Variants in CTNNA3 observed in about 807,000 individuals in gnomAD.
CTNNA3 encodes the protein catenin alpha-3.
In CTNNA3, 76 loss-of-function variants were observed where a neutral mutation model predicts 95.7. The ratio of observed to expected loss-of-function variants is 0.79; its 90% CI spans 0.66 to 0.96. The LOEUF (loss-of-function observed/expected upper bound fraction) is 0.96. Ranked by LOEUF, CTNNA3 falls within the 40% of genes least tolerant of loss-of-function variation. CTNNA3 has a pLI of 0.00. For missense variants in CTNNA3, 1,191 were observed against 1,089.8 expected (o/e 1.09, Z -1.31); for synonymous variants, 431 against 374.4 (o/e 1.15, Z -1.74).
chr10:67,183,277 G>T (rs959576379), intron 6 of CTNNA3, among the ~76,000 whole-genome samples: 46 of 152,192 alleles, frequency 3.0e-4, no homozygotes, highest in African/African-American at 1.0e-3. Context: ...TAGCAAAGAC[G>T]TGGAACCAAC....
At chr10:67,705,945 G>A (rs898938995) in intron 1 of CTNNA3, among the ~76,000 whole-genome samples, 2 of 152,052 alleles carry the variant, frequency 1.3e-5, no homozygotes, top group African/African-American at 4.8e-5. Flanking sequence ...TCCAAAGCTG[G>A]CTTAGGGGAA....
chr10:66,237,630 G>A (rs1359312461), intron 13 of CTNNA3, among the ~76,000 whole-genome samples: 1 of 151,882 alleles, frequency 6.6e-6, no homozygotes. Flanking sequence ...CAATAGTGGT[G>A]ATTCAGAAGT....
chr10:67,405,517 C>A (rs1165239738), intron 5 of CTNNA3, among the ~76,000 whole-genome samples: 4 of 152,080 alleles, frequency 2.6e-5, no homozygotes, highest in Admixed American at 1.3e-4. Flanking sequence ...ATATGTGCAC[C>A]CAAAACAGGA....
intron 5 of CTNNA3, among the ~76,000 whole-genome samples, chr10:67,428,700 C>T (rs1846002638): frequency 6.6e-6 from 1 of 151,976 alleles, no homozygotes; most frequent in Non-Finnish European, 1.5e-5. Flanking sequence ...AGTCACTGGG[C>T]TGGGGAAGGC....
At chr10:67,604,438 T>G (rs1189699490) in intron 3 of CTNNA3, among the ~76,000 whole-genome samples, 1 of 152,204 alleles carries the variant, frequency 6.6e-6, no homozygotes, top group Non-Finnish European at 1.5e-5. Flanking sequence ...CTCCAACAGC[T>G]ACTAAAAATG....
chr10:67,258,142 GT>G (rs1162004954), intron 5 of CTNNA3, among the ~76,000 whole-genome samples: 1 of 151,920 alleles, frequency 6.6e-6, no homozygotes, highest in Non-Finnish European at 1.5e-5. Context: ...GTTATCCTTT[GT>G]TTGTTTGTTT....
At chr10:67,339,711 T>C (rs1310063217) in intron 5 of CTNNA3, among the ~76,000 whole-genome samples, 1 of 152,166 alleles carries the variant, frequency 6.6e-6, no homozygotes, top group African/African-American at 2.4e-5. Flanking sequence ...AAAAGAATAC[T>C]CTTATGTTGA....
intron 14 of CTNNA3, among the ~76,000 whole-genome samples, chr10:66,102,599 C>T (rs1048657918): frequency 1.3e-5 from 2 of 152,120 alleles, no homozygotes; most frequent in Admixed American, 6.6e-5. Flanking sequence ...GCCAAACTTT[C>T]ACAGATACCC....
chr10:66,379,012 C>T (rs1003629291), intron 12 of CTNNA3, 140 bp downstream of exon 12: 3 of 672,300 alleles, frequency 4.5e-6, no homozygotes, highest in African/African-American at 3.6e-5. Context: ...AATCGCATAA[C>T]CAAAGTGTGC....
chr10:66,543,911 G>GTA (rs1198925758), intron 10 of CTNNA3, among the ~76,000 whole-genome samples: 20 of 16,198 alleles, frequency 1.2e-3, no homozygotes, highest in Admixed American at 2.9e-3. Flanking sequence ...GTGTGTGTGT[G>GTA]TATATATATA....
At chr10:67,066,769 C>T (rs73256459) in intron 7 of CTNNA3, among the ~76,000 whole-genome samples, 11,199 of 152,060 alleles carry the variant, frequency 0.074, 453 homozygotes, top group South Asian at 0.19. Context: ...CTAAAATATT[C>T]GATATTATAT....
At chr10:67,229,707 A>C (rs114942230) in intron 5 of CTNNA3, among the ~76,000 whole-genome samples, 1,549 of 152,244 alleles carry the variant, frequency 0.01, 16 homozygotes, top group African/African-American at 0.024. Flanking sequence ...AGAACTCAAC[A>C]CCTTTTACAA....
intron 5 of CTNNA3, among the ~76,000 whole-genome samples, chr10:67,246,636 T>G (rs1376169783): frequency 6.6e-6 from 1 of 152,112 alleles, no homozygotes; most frequent in Admixed American, 6.6e-5. Flanking sequence ...TCTTATAAAT[T>G]TACAGCAATG....
intron 9 of CTNNA3, among the ~76,000 whole-genome samples, chr10:66,730,242 C>A (rs941112320): frequency 5.3e-5 from 8 of 152,018 alleles, no homozygotes; most frequent in Non-Finnish European, 4.4e-5. Flanking sequence ...AAATGTGATA[C>A]ACATACACCA....
At chr10:67,609,751 C>A (rs1843398363) in intron 2 of CTNNA3, among the ~76,000 whole-genome samples, 1 of 152,130 alleles carries the variant, frequency 6.6e-6, no homozygotes, top group Admixed American at 6.6e-5. Flanking sequence ...CTAGTTTGTT[C>A]CCCATGTAGG....
At chr10:66,950,282 T>C (rs1485165937) in intron 7 of CTNNA3, among the ~76,000 whole-genome samples, 2 of 152,150 alleles carry the variant, frequency 1.3e-5, no homozygotes, top group Non-Finnish European at 2.9e-5. Context: ...CATTAAAATT[T>C]TCTAACTTGA....
At chr10:67,687,391 G>C (rs771482984) in intron 1 of CTNNA3, among the ~76,000 whole-genome samples, 16 of 152,266 alleles carry the variant, frequency 1.1e-4, no homozygotes, top group Non-Finnish European at 2.1e-4. Context: ...TTTCTAGTAG[G>C]ACAATCTTTT....
At chr10:66,096,530 T>C (rs887546164) in intron 14 of CTNNA3, among the ~76,000 whole-genome samples, 3 of 149,552 alleles carry the variant, frequency 2.0e-5, no homozygotes, top group African/African-American at 7.3e-5. Context: ...TTCTTTCTTT[T>C]TTTTTTTTTT....
At chr10:66,057,223 C>T (rs2080105371) in intron 15 of CTNNA3, among the ~76,000 whole-genome samples, 2 of 152,154 alleles carry the variant, frequency 1.3e-5, no homozygotes, top group African/African-American at 4.8e-5. Context: ...ATGAGCAGTC[C>T]CTGTATGTTC....
Sources: allele counts gnomAD v4.1 joint callset (sites outside exome capture counted in the v4.1 genomes callset), GRCh38; gene constraint gnomAD v4.1.1; transcripts MANE v1.5; gene names NCBI Gene and HGNC (gene_info 2026-07-23, HGNC 2026-07-21).